PAN3: variants seen among roughly 807,000 people sequenced by gnomAD.
The protein encoded by PAN3 is PAN2-PAN3 deadenylation complex subunit PAN3.
In PAN3, 19 loss-of-function variants were observed where a neutral mutation model predicts 96.2. The observed-to-expected ratio is 0.20, with a 90% CI of 0.14 to 0.29. The LOEUF (loss-of-function observed/expected upper bound fraction) is 0.29, where lower values mean the gene tolerates loss of function less well. PAN3 is among the 10% of genes least tolerant of loss of function. The pLI is 1.00. For synonymous variants in PAN3, 433 were observed against 406.6 expected (o/e 1.06, Z -0.78); for missense variants, 882 against 1,108.1 (o/e 0.80, Z 2.90).
intron 6 of PAN3, among the ~76,000 whole-genome samples, chr13:28,252,417 A>G (rs1245543593): frequency 1.3e-5 from 2 of 151,844 alleles, no homozygotes; most frequent in African/African-American, 4.8e-5. Context: ...TGAATTCTGT[A>G]ATTATTTTCC....
intron 17 of PAN3, among the ~76,000 whole-genome samples, chr13:28,286,410 G>A (rs1452015068): frequency 6.6e-6 from 1 of 152,208 alleles, no homozygotes; most frequent in African/African-American, 2.4e-5. Flanking sequence ...CAGTGGGGTT[G>A]AGAGATGGGT....
intron 7 of PAN3, 134 bp downstream of exon 7, chr13:28,256,673 A>G: frequency 1.0e-6 from 1 of 956,998 alleles, no homozygotes; most frequent in Non-Finnish European, 1.5e-6. Context: ...TTAGATGAGA[A>G]GTCTAGTCTC....
In PAN3 at chr13:28,272,089, T is replaced by C. The variant is rs760177513; in HGVS notation, c.2049+18T>C. Reference sequence around the variant, plus strand: ...AGTACCAGGTGAGTAAGAATTAACATGGATATTTACTTGTTTTCCTTTATT... The same window carrying C: ...AGTACCAGGTGAGTAAGAATTAACACGGATATTTACTTGTTTTCCTTTATT... On this transcript the variant is annotated intron_variant, in intron 14 of 18. Transcript: ENST00000380958. 7.3e-5 allele frequency: 106 copies of C among 1,452,086 alleles called. No homozygotes were observed. The highest frequency in any genetic ancestry group is 2.4e-4 in the Admixed American group (12 of 50,830). 90.0% of individuals were successfully genotyped at this position (1,452,086 alleles called of 1,614,324 possible). A position where few individuals can be genotyped will look rare whatever the true frequency, so the allele number is the denominator to read the frequency against.
intron 1 of PAN3, among the ~76,000 whole-genome samples, chr13:28,164,593 G>T (rs1237694044): frequency 6.6e-6 from 1 of 152,114 alleles, no homozygotes; most frequent in African/African-American, 2.4e-5. Context: ...AGTAAATTTG[G>T]GAAGTACTCT....
intron 1 of PAN3, among the ~76,000 whole-genome samples, chr13:28,173,333 T>G (rs1874544999): frequency 6.6e-6 from 1 of 152,248 alleles, no homozygotes; most frequent in Non-Finnish European, 1.5e-5. Context: ...AAAGATGAAC[T>G]TTTTATATGT....
chr13:28,211,758 C>T (rs367779294), intron 5 of PAN3, among the ~76,000 whole-genome samples: 1 of 152,240 alleles, frequency 6.6e-6, no homozygotes, highest in South Asian at 2.1e-4. Context: ...AAAAACTGAA[C>T]AAAAACATAT....
intron 5 of PAN3, among the ~76,000 whole-genome samples, chr13:28,211,349 G>C (rs1880008430): frequency 6.6e-6 from 1 of 152,144 alleles, no homozygotes; most frequent in African/African-American, 2.4e-5. Flanking sequence ...ACTCCCAGTG[G>C]CATGGATAGA....
At chr13:28,245,679 T>TTC (rs1382084312) in intron 6 of PAN3, among the ~76,000 whole-genome samples, 1 of 152,268 alleles carries the variant, frequency 6.6e-6, no homozygotes, top group Admixed American at 6.5e-5. Flanking sequence ...CTTCCCGTTT[T>TTC]TCTCTCTCTC....
intron 6 of PAN3, among the ~76,000 whole-genome samples, chr13:28,232,942 T>C (rs757128376): frequency 2.0e-5 from 3 of 152,178 alleles, no homozygotes; most frequent in Non-Finnish European, 4.4e-5. Flanking sequence ...CTCATCAATT[T>C]TACAGAACAA....
At chr13:28,196,571 G>GT (rs890720815) in intron 4 of PAN3, among the ~76,000 whole-genome samples, 112 of 145,166 alleles carry the variant, frequency 7.7e-4, no homozygotes, top group African/African-American at 1.3e-3. Flanking sequence ...TTAGTCTGAG[G>GT]TTTTTTTTTT....
At chr13:28,215,752 T>G (rs1422723419) in intron 5 of PAN3, 1 of 1,473,430 alleles carries the variant, frequency 6.8e-7, no homozygotes, top group Non-Finnish European at 9.3e-7. Context: ...GCTGAGAGCT[T>G]CTCAGACCAT....
At chr13:28,140,072 G>A (rs529234402) in intron 1 of PAN3, among the ~76,000 whole-genome samples, 2 of 152,076 alleles carry the variant, frequency 1.3e-5, no homozygotes, top group African/African-American at 2.4e-5. Flanking sequence ...CTCTGCCTAC[G>A]GAGTAGCTGG....
chr13:28,262,133 A>T lies in PAN3; in HGVS notation c.1411+675A>T, dbSNP rs1046673340. 3.4e-4 allele frequency among the ~76,000 whole-genome samples: 51 copies of T among 152,144 alleles called. 1 individual carries two copies. Among genetic ancestry groups the T allele is most frequent in the Non-Finnish European group, 1.3e-4 (9 of 68,020 alleles). Reference sequence around the variant, plus strand: ...TTATTTCTCACAAACATCCTGTGACATATTATTTTCATTTCCATTTTACAT... The same window carrying T: ...TTATTTCTCACAAACATCCTGTGACTTATTATTTTCATTTCCATTTTACAT... On this transcript the variant is annotated intron_variant, in intron 9 of 18. Coordinates refer to ENST00000380958, the MANE Select transcript of PAN3 (RefSeq NM_175854.8).
In PAN3 at chr13:28,294,137, G is replaced by A. The variant is rs1311341348; in HGVS notation, c.*1615G>A. 5 of 152,738 alleles carry A rather than the reference G, an allele frequency of 3.3e-5. No individual in the cohort carries two copies. Among genetic ancestry groups the A allele is most frequent in the African/African-American group, 9.6e-5 (4 of 41,568 alleles). 9.5% of individuals were successfully genotyped at this position (152,738 alleles called of 1,614,324 possible). A position where few individuals can be genotyped will look rare whatever the true frequency, so the allele number is the denominator to read the frequency against. ...TGAAGACTAGAGACACGCTTTACAC[G>A]TTTTAACAAGTATATTGAGTCCACG... On this transcript the variant is annotated 3_prime_UTR_variant, in exon 19 of 19. Transcript: ENST00000380958.
At chr13:28,216,281 T>C (rs2138354101) in intron 5 of PAN3, among the ~76,000 whole-genome samples, 1 of 151,640 alleles carries the variant, frequency 6.6e-6, no homozygotes, top group South Asian at 2.1e-4. Context: ...GACTAATTCA[T>C]AGTGACAGAA....
At chr13:28,244,710 T>C (rs1468180887) in intron 6 of PAN3, among the ~76,000 whole-genome samples, 3 of 152,150 alleles carry the variant, frequency 2.0e-5, no homozygotes, top group Non-Finnish European at 4.4e-5. Context: ...TTTTTGTTTT[T>C]TTCTTTTAAA....
intron 15 of PAN3, among the ~76,000 whole-genome samples, chr13:28,278,000 C>A (rs978265619): frequency 6.6e-6 from 1 of 152,370 alleles, no homozygotes; most frequent in East Asian, 1.9e-4. Context: ...ACTGTCACAA[C>A]AGAAGGACTT....
rs184613908 is a variant in PAN3, at chr13:28,155,912, G to T, written c.430+16825G>T. Among the ~76,000 whole-genome samples, 23 of 152,276 alleles carry T rather than the reference G, an allele frequency of 1.5e-4. No individual in the cohort carries two copies. The East Asian group carries it at 2.5e-3, about 17-fold the overall frequency. On this transcript the variant is annotated intron_variant, in intron 1 of 18. Transcript: ENST00000380958. ...TCATAGTTTTGTAGTCATCTGATGTGGTTAGAGAATAGGCCAATTATGGAG... is the reference window on the plus strand; with the variant it reads ...TCATAGTTTTGTAGTCATCTGATGTTGTTAGAGAATAGGCCAATTATGGAG...
intron 4 of PAN3, among the ~76,000 whole-genome samples, chr13:28,181,105 G>A (rs1023692261): frequency 6.6e-6 from 1 of 152,204 alleles, no homozygotes; most frequent in African/African-American, 2.4e-5. Flanking sequence ...ATAGAGGTAG[G>A]AGCTTTAGTA....
Sources: allele counts gnomAD v4.1 joint callset (sites outside exome capture counted in the v4.1 genomes callset), GRCh38; gene constraint gnomAD v4.1.1; transcripts MANE v1.5; gene names NCBI Gene and HGNC (gene_info 2026-07-23, HGNC 2026-07-21).